PRKCZ: variants seen among roughly 807,000 people sequenced by gnomAD.
PRKCZ encodes the protein protein kinase C zeta.
A neutral mutation model predicts 79.5 loss-of-function variants in PRKCZ; 33 were observed. The ratio of observed to expected loss-of-function variants is 0.41; its 90% confidence interval spans 0.31 to 0.55. The LOEUF (loss-of-function observed/expected upper bound fraction) is 0.55, where lower values mean the gene tolerates loss of function less well. Among genes scored for constraint, PRKCZ ranks in the 20% least tolerant of loss-of-function variants. The probability of loss-of-function intolerance (pLI) is 0.19; values close to 1 mark genes in which losing one functional copy is unlikely to be tolerated. For missense variants in PRKCZ, 578 were observed against 813.5 expected (o/e 0.71, Z 3.52); for synonymous variants, 342 against 320.9 (o/e 1.07, Z -0.70).
intron 4 of PRKCZ, among the ~76,000 whole-genome samples, chr1:2,132,592 T>C (rs547078196): frequency 1.3e-5 from 2 of 152,332 alleles, no homozygotes; most frequent in African/African-American, 2.4e-5. Context: ...CTGAGATGCT[T>C]GTGTCTCTCT....
intron 9 of PRKCZ, among the ~76,000 whole-genome samples, 194 bp from the exon 10 acceptor site, chr1:2,155,798 ATGG>A (rs1366300864): frequency 6.6e-6 from 1 of 151,412 alleles, no homozygotes; most frequent in Non-Finnish European, 1.5e-5. Flanking sequence ...AATGATGATG[ATGG>A]TGGTGGTGGT....
intron 4 of PRKCZ, among the ~76,000 whole-genome samples, chr1:2,108,480 C>A (rs1343712935): frequency 6.6e-6 from 1 of 152,234 alleles, no homozygotes; most frequent in Admixed American, 6.5e-5. Context: ...GCTGTGTCCT[C>A]TCATGAGTGG....
chr1:2,169,618 G>A lies in PRKCZ; in HGVS notation c.1061+14G>A, dbSNP rs1215605151. 7.4e-6 allele frequency: 11 copies of A among 1,478,154 alleles called. No individual in the cohort carries two copies. Among genetic ancestry groups the A allele is most frequent in the Non-Finnish European group, 1.0e-5 (11 of 1,103,682 alleles). 91.6% of individuals were successfully genotyped at this position (1,478,154 alleles called of 1,614,324 possible). A position where few individuals can be genotyped will look rare whatever the true frequency, so the allele number is the denominator to read the frequency against. ...GGAGCACGCCAGGTGGGTGCGCGTG[G>A]ACGGGGCCGGGTGGGTGCGCCCGGA... is the stretch of plus-strand genomic sequence containing the variant. On this transcript the variant is annotated intron_variant, in intron 11 of 17. Coordinates refer to ENST00000378567, the MANE Select transcript of PRKCZ (RefSeq NM_002744.6).
chr1:2,072,924 A>G (rs1165027100), intron 4 of PRKCZ, among the ~76,000 whole-genome samples: 8 of 152,106 alleles, frequency 5.3e-5, no homozygotes, highest in South Asian at 4.1e-4. Flanking sequence ...GGAAGTGGGC[A>G]GAATTCCCAG....
intron 4 of PRKCZ, among the ~76,000 whole-genome samples, chr1:2,078,988 G>A (rs540142696): frequency 1.6e-4 from 24 of 152,078 alleles, no homozygotes; most frequent in African/African-American, 4.8e-4. Context: ...GACTACAGGC[G>A]CCCGCCACCA....
Position 2,075,344 on chromosome 1 carries a change from G to C in PRKCZ, c.334+15753G>C, listed in dbSNP as rs1318470006. The C allele has an allele frequency of 6.6e-6, 1 of 152,360 alleles. No individual in the cohort carries two copies. The highest frequency in any genetic ancestry group is 2.4e-5 in the African/African-American group (1 of 41,446). 9.4% of individuals were successfully genotyped at this position (152,360 alleles called of 1,614,324 possible). On this transcript the variant is annotated intron_variant, in intron 4 of 17. Coordinates refer to ENST00000378567, the MANE Select transcript of PRKCZ (RefSeq NM_002744.6). This position sits in a 1 kb window ranked among gnomAD's most constrained non-coding sequence, Gnocchi z 4.8. Reference sequence around the variant, plus strand: ...CGCCGTGGCCAGGGTCAGGATTCGAGCGGTTACTGGCTTTTGGTCTGATGG... The same window carrying C: ...CGCCGTGGCCAGGGTCAGGATTCGACCGGTTACTGGCTTTTGGTCTGATGG...
intron 16 of PRKCZ, among the ~76,000 whole-genome samples, chr1:2,180,559 G>T (rs1040048842): frequency 2.6e-5 from 4 of 151,890 alleles, no homozygotes; most frequent in African/African-American, 9.7e-5. Context: ...ATGCATGGAC[G>T]ACGTGGACGC....
intron 5 of PRKCZ, among the ~76,000 whole-genome samples, chr1:2,140,873 CAGG>C (rs1341519908): frequency 6.6e-6 from 1 of 152,186 alleles, no homozygotes; most frequent in Non-Finnish European, 1.5e-5. Flanking sequence ...GAGGCTGAGA[CAGG>C]AGAATCGCTT....
At chr1:2,056,452 G>A in intron 2 of PRKCZ, 32 bp from the exon 3 acceptor site, 1 of 1,595,532 alleles carries the variant, frequency 6.3e-7, no homozygotes, top group South Asian at 1.1e-5. Flanking sequence ...CGGGCCTTCG[G>A]CGACGTCAGC....
At chr1:2,072,627 G>C (rs894452008) in intron 4 of PRKCZ, among the ~76,000 whole-genome samples, 12 of 152,166 alleles carry the variant, frequency 7.9e-5, no homozygotes, top group Admixed American at 1.3e-4. Context: ...CCGTGTAGGA[G>C]GTGGGCCCAG....
chr1:2,085,063 C>T (rs1026315569), intron 4 of PRKCZ, among the ~76,000 whole-genome samples: 1 of 151,990 alleles, frequency 6.6e-6, no homozygotes, highest in Non-Finnish European at 1.5e-5. Context: ...CAGGCTGCTC[C>T]CACCCCAACA....
chr1:2,055,586 A>G lies in PRKCZ; in HGVS notation c.193+24A>G, dbSNP rs959659789. ...AGGTAGCCCTTGTCCCATGTTGGCC[A>G]GAATCCTCAGCCTCAGGGGACTTCG... On this transcript the variant is annotated intron_variant, in intron 2 of 17. Coordinates refer to ENST00000378567, the MANE Select transcript of PRKCZ (RefSeq NM_002744.6). 4 of 1,606,190 alleles carry G rather than the reference A, an allele frequency of 2.5e-6. No homozygotes were observed. In the African/African-American group the frequency reaches 4.0e-5, roughly 16 times the overall value.
intron 4 of PRKCZ, among the ~76,000 whole-genome samples, chr1:2,114,522 TC>T (rs1670355939): frequency 6.6e-6 from 1 of 152,210 alleles, no homozygotes. Context: ...ACGCCTGTAA[TC>T]CCAGCACTTT....
At position 2,156,085 on chromosome 1, in the gene PRKCZ, A is replaced by G; in HGVS notation, c.967A>G (p.Thr323Ala). 1 of 1,611,514 alleles carries G rather than the reference A, an allele frequency of 6.2e-7. No individual in the cohort carries two copies. The highest frequency in any genetic ancestry group is 8.5e-7 in the Non-Finnish European group (1 of 1,177,750). ...LVGLHSCFQT[T>A]SRLFLVIEYV... ...CGGATTACACTCCTGCTTCCAGACG[A>G]CAAGTCGGTAAGAAAAAGAAGGGTA... Residue 323 changes from threonine to alanine, a missense_variant, in exon 10 of 18, where the codon ACA becomes GCA. Transcript: ENST00000378567.
rs775528318 is a variant in PRKCZ, at chr1:2,184,717, G to C, written c.1691+19G>C. The stretch of plus-strand genomic sequence containing the variant: ...ACGATGAGTGAGTCCCACTGGGTGC[G>C]GGTCCCTGGAGCACCCCTCGGGCAG... On this transcript the variant is annotated intron_variant, in intron 17 of 17. Coordinates refer to ENST00000378567, the MANE Select transcript of PRKCZ (RefSeq NM_002744.6). 1.9e-5 allele frequency: 30 copies of C among 1,602,546 alleles called. No homozygotes were observed. Among genetic ancestry groups the C allele is most frequent in the Non-Finnish European group, 2.5e-5 (29 of 1,172,890 alleles).
intron 2 of PRKCZ, 81 bp from the exon 3 acceptor site, chr1:2,056,403 C>T: frequency 7.7e-7 from 1 of 1,298,932 alleles, no homozygotes; most frequent in Non-Finnish European, 1.1e-6. Flanking sequence ...AGACCCTTGT[C>T]TGGTGTGCTG....
At chr1:2,133,349 C>G (rs1675386528) in intron 4 of PRKCZ, among the ~76,000 whole-genome samples, 1 of 151,458 alleles carries the variant, frequency 6.6e-6, no homozygotes, top group East Asian at 2.0e-4. Context: ...AGTTGCTCGT[C>G]GGTTCCCTCG....
intron 4 of PRKCZ, among the ~76,000 whole-genome samples, chr1:2,078,382 A>G (rs1404519258): frequency 6.6e-6 from 1 of 152,238 alleles, no homozygotes; most frequent in Non-Finnish European, 1.5e-5. Flanking sequence ...TTCCCTCTGC[A>G]TTTCGAAGGG....
At chr1:2,112,407 C>T (rs763188161) in intron 4 of PRKCZ, among the ~76,000 whole-genome samples, 19 of 152,144 alleles carry the variant, frequency 1.2e-4, no homozygotes, top group Non-Finnish European at 2.1e-4. Flanking sequence ...GATGAACGAG[C>T]CTCAGGCGGA....
Sources: gnomAD v4.1 joint callset for allele counts (sites outside exome capture counted in the v4.1 genomes callset) on GRCh38, gnomAD v4.1.1 for gene constraint, Gnocchi (gnomAD v3.1) non-coding constraint, MANE v1.5 for transcripts, NCBI Gene and HGNC (gene_info 2026-07-23, HGNC 2026-07-21) for gene names.